KCNN3: variants seen among roughly 807,000 people sequenced by gnomAD.
The protein encoded by KCNN3 is small conductance calcium-activated potassium channel protein 3.
In KCNN3, 16 loss-of-function variants were observed where a neutral mutation model predicts 62.9. That is an observed-to-expected ratio of 0.25 (90% CI 0.17 to 0.39). KCNN3 has a LOEUF of 0.39. KCNN3 is among the 10% of genes least tolerant of loss of function. The pLI, the probability that KCNN3 is intolerant of heterozygous loss-of-function variation, is 1.00. For synonymous variants in KCNN3, 370 were observed against 389.2 expected (o/e 0.95, Z 0.58); for missense variants, 599 against 949.4 (o/e 0.63, Z 4.85).
Position 154,774,673 on chromosome 1 carries a change from A to T in KCNN3, c.1030-2280T>A, listed in dbSNP as rs535696896. Among the ~76,000 whole-genome samples the T allele has an allele frequency of 1.3e-4, 20 of 152,286 alleles. No individual in the cohort carries two copies. In the South Asian group the frequency reaches 4.1e-3, roughly 32 times the overall value. On this transcript the variant is annotated intron_variant, in intron 2 of 7. Coordinates refer to ENST00000271915, the MANE Select transcript of KCNN3 (RefSeq NM_002249.6). ...TGTTGCCTGTCCCAGCTCATCCACG[A>T]ACACATCCCACTCAAGACTCCAGCC... is the stretch of plus-strand genomic sequence containing the variant.
In KCNN3 at chr1:154,714,556, G is replaced by GGT. The variant is rs1165838953; in HGVS notation, c.1829+318_1829+319dup. Among the ~76,000 whole-genome samples the GGT allele has an allele frequency of 4.6e-3, 290 of 63,416 alleles. 15 individuals are homozygous for GGT. Among genetic ancestry groups the GGT allele is most frequent in the African/African-American group, 0.018 (274 of 15,116 alleles). The allele number at this position is 63,416 out of a possible 152,430, so 41.6% of individuals were successfully genotyped here. A position where few individuals can be genotyped will look rare whatever the true frequency, so the allele number is the denominator to read the frequency against. ...TGGTGTGTGTGGGGTGTGTGTGTGT[G>GGT]GTGTGTGTGTGGTGTGTGTGTGTGG... On this transcript the variant is annotated intron_variant, in intron 6 of 7. Coordinates refer to ENST00000271915, the MANE Select transcript of KCNN3 (RefSeq NM_002249.6).
intron 3 of KCNN3, among the ~76,000 whole-genome samples, chr1:154,742,785 G>T (rs1161017925): frequency 6.6e-6 from 1 of 152,214 alleles, no homozygotes; most frequent in Non-Finnish European, 1.5e-5. Flanking sequence ...GGCTCCATCA[G>T]CCTTCAGCAA....
rs201079149 is a variant in KCNN3, at chr1:154,869,647, G to A, written c.318C>T (p.Thr106=). 5 of 1,612,260 alleles carry A rather than the reference G, an allele frequency of 3.1e-6. No individual in the cohort carries two copies. The highest frequency in any genetic ancestry group is 2.2e-5 in the South Asian group (2 of 90,874). ...VHPGLLHSSP[T]AFRAPPSSNS... is the part of the protein sequence containing the mutation. ...TGGACGAAGGGGGGGCCCTGAAAGC[G>A]GTGGGAGAGGAGTGCAGCAGGCCAG... Residue 106 remains threonine (T), a synonymous_variant, in exon 1 of 8, where the codon ACC becomes ACT. Coordinates refer to ENST00000271915, the MANE Select transcript of KCNN3 (RefSeq NM_002249.6). This position sits in a 1 kb window ranked among gnomAD's most constrained non-coding sequence, Gnocchi z 6.1.
At chr1:154,716,852 C>T (rs893308012) in intron 5 of KCNN3, among the ~76,000 whole-genome samples, 5 of 152,164 alleles carry the variant, frequency 3.3e-5, no homozygotes, top group Admixed American at 2.0e-4. Flanking sequence ...AAAAAGGCGG[C>T]ACGGAAGGGA....
chr1:154,793,311 G>A (rs1557979054), intron 2 of KCNN3, among the ~76,000 whole-genome samples: 4 of 152,178 alleles, frequency 2.6e-5, no homozygotes, highest in Admixed American at 6.5e-5. Flanking sequence ...TCTTGGCCAG[G>A]AAGGTACCCA....
intron 3 of KCNN3, 71 bp from the exon 4 acceptor site, chr1:154,733,215 G>T: frequency 6.7e-7 from 1 of 1,492,320 alleles, no homozygotes; most frequent in Non-Finnish European, 9.3e-7. Context: ...GGCAAACCTA[G>T]AGCGGGGAAG....
chr1:154,821,443 G>C (rs961237703), intron 2 of KCNN3, among the ~76,000 whole-genome samples: 2 of 152,152 alleles, frequency 1.3e-5, no homozygotes, highest in South Asian at 4.1e-4. Flanking sequence ...CTCCTGGCCC[G>C]GGTTGAACCA....
At chr1:154,731,997 G>C (rs1700604725) in intron 4 of KCNN3, among the ~76,000 whole-genome samples, 1 of 152,170 alleles carries the variant, frequency 6.6e-6, no homozygotes, top group Admixed American at 6.5e-5. Context: ...TGAGGCCCAG[G>C]GAACACTTCA....
chr1:154,736,731 A>G (rs1700718807), intron 3 of KCNN3, among the ~76,000 whole-genome samples: 1 of 152,208 alleles, frequency 6.6e-6, no homozygotes, highest in Non-Finnish European at 1.5e-5. Context: ...GGCTGCCCTT[A>G]GGATCATGGA....
intron 3 of KCNN3, among the ~76,000 whole-genome samples, chr1:154,736,717 G>A (rs1383258220): frequency 6.6e-6 from 1 of 152,170 alleles, no homozygotes; most frequent in African/African-American, 2.4e-5. Flanking sequence ...CTCCCTGGCT[G>A]TTTGGCTGCC....
rs1652151895 is a variant in KCNN3 at position 154,848,097 on chromosome 1, C to T, written c.933+20935G>A. Among the ~76,000 whole-genome samples, 5 of 152,170 alleles carry T rather than the reference C, an allele frequency of 3.3e-5. No homozygotes were observed. In the South Asian group the frequency reaches 1.0e-3, roughly 32 times the overall value. On this transcript the variant is annotated intron_variant, in intron 1 of 7. Transcript: ENST00000271915. ...CTGATGAGTTCCAGAAGGAGGCCTC[C>T]CCCCCTCCCCAGCCAGAGTGGCTGG...
intron 2 of KCNN3, among the ~76,000 whole-genome samples, chr1:154,790,009 A>T (rs1477136506): frequency 1.3e-5 from 2 of 152,168 alleles, no homozygotes; most frequent in Non-Finnish European, 2.9e-5. Flanking sequence ...CCTGGGTTCA[A>T]GCAATTCTCC....
At chr1:154,814,956 AG>A (rs1650597757) in intron 2 of KCNN3, among the ~76,000 whole-genome samples, 1 of 152,218 alleles carries the variant, frequency 6.6e-6, no homozygotes, top group Admixed American at 6.5e-5. Context: ...GTGATCATCC[AG>A]GGGCACACTC....
chr1:154,722,026 G>A (rs1157513694), intron 5 of KCNN3, among the ~76,000 whole-genome samples: 1 of 151,868 alleles, frequency 6.6e-6, no homozygotes, highest in African/African-American at 2.4e-5. Context: ...CTCAAGAAAA[G>A]CAGAAATTGA....
chr1:154,851,256 C>T lies in KCNN3; in HGVS notation c.933+17776G>A, dbSNP rs550161466. 4.6e-5 allele frequency among the ~76,000 whole-genome samples: 7 copies of T among 152,262 alleles called. No homozygotes were observed. The East Asian group carries it at 5.8e-4, about 13-fold the overall frequency. On this transcript the variant is annotated intron_variant, in intron 1 of 7. Transcript: ENST00000271915. The stretch of plus-strand genomic sequence containing the variant: ...CCTCCCAAAGTGCTGGGATTACAGG[C>T]GTGAGCCACCGTGCCCGGCCAAATT...
intron 2 of KCNN3, among the ~76,000 whole-genome samples, chr1:154,778,715 C>T (rs1025817595): frequency 2.0e-5 from 3 of 147,412 alleles, no homozygotes; most frequent in African/African-American, 7.4e-5. Flanking sequence ...GATTCTCCTG[C>T]CTCAGCCTCC....
intron 1 of KCNN3, among the ~76,000 whole-genome samples, chr1:154,859,160 G>A (rs1005251885): frequency 6.6e-6 from 1 of 152,226 alleles, no homozygotes; most frequent in African/African-American, 2.4e-5. Flanking sequence ...AGGCAGCTCC[G>A]GCCATTCCCA....
chr1:154,740,899 G>T (rs960533696), intron 3 of KCNN3, among the ~76,000 whole-genome samples: 7 of 152,120 alleles, frequency 4.6e-5, no homozygotes, highest in South Asian at 2.1e-4. Flanking sequence ...TTGTCAGTTT[G>T]TGTGTTGCAA....
intron 2 of KCNN3, among the ~76,000 whole-genome samples, chr1:154,799,748 C>G (rs1333272708): frequency 1.3e-5 from 2 of 152,208 alleles, no homozygotes; most frequent in Non-Finnish European, 2.9e-5. Context: ...GCCAGCTGAT[C>G]GTGGTCTGGA....
Sources: gnomAD v4.1 joint callset for allele counts (sites outside exome capture counted in the v4.1 genomes callset) on GRCh38, gnomAD v4.1.1 for gene constraint, Gnocchi (gnomAD v3.1) non-coding constraint, MANE v1.5 for transcripts, NCBI Gene and HGNC (gene_info 2026-07-23, HGNC 2026-07-21) for gene names.